Variants in SLC9A9 observed in about 807,000 individuals in gnomAD.
SLC9A9 encodes solute carrier family 9 member A9.
Under a neutral mutation model 77.8 loss-of-function variants are expected in SLC9A9, and 62 were observed. The observed-to-expected ratio is 0.80, with a 90% CI of 0.65 to 0.98. SLC9A9 has a LOEUF of 0.98. Among genes scored for constraint, SLC9A9 ranks in the 50% least tolerant of loss-of-function variants. SLC9A9 has a pLI of 0.00. For missense variants in SLC9A9, 775 were observed against 774.9 expected (o/e 1.00, Z 0.00); for synonymous variants, 320 against 283.5 (o/e 1.13, Z -1.29).
intron 14 of SLC9A9, among the ~76,000 whole-genome samples, chr3:143,359,588 A>T (rs2032686058): frequency 6.6e-6 from 1 of 152,196 alleles, no homozygotes; most frequent in African/African-American, 2.4e-5. Flanking sequence ...TAGCTGGAGC[A>T]GAGTGAGCCG....
chr3:143,841,501 T>A (rs936615942), intron 1 of SLC9A9, among the ~76,000 whole-genome samples: 1 of 152,206 alleles, frequency 6.6e-6, no homozygotes, highest in Non-Finnish European at 1.5e-5. Flanking sequence ...TTAACAAACA[T>A]CAGCTCTCCA....
intron 7 of SLC9A9, among the ~76,000 whole-genome samples, chr3:143,576,293 C>T (rs1336502359): frequency 4.6e-5 from 7 of 152,184 alleles, no homozygotes; most frequent in Non-Finnish European, 2.9e-5. Flanking sequence ...TAAAACTTAT[C>T]TGATGATCCA....
Position 143,832,223 on chromosome 3 carries a change from T to TAAAAAAA in SLC9A9, c.176-9_176-3dup. ...GTAAAATTAGTCCCATTATAAGGCC[T>TAAAAAAA]AAAAAAAAAAGAATAAATAATGGTA... On this transcript the variant is annotated splice_polypyrimidine_tract_variant and splice_region_variant and intron_variant, in intron 1 of 15. Coordinates refer to ENST00000316549, the MANE Select transcript of SLC9A9 (RefSeq NM_173653.4). The TAAAAAAA allele has an allele frequency of 7.0e-7, 1 of 1,421,854 alleles. No homozygotes were observed. The highest frequency in any genetic ancestry group is 9.6e-7 in the Non-Finnish European group (1 of 1,041,892). The allele number at this position is 1,421,854 out of a possible 1,614,324, so 88.1% of individuals were successfully genotyped here.
At chr3:143,821,006 G>A (rs1027979672) in intron 2 of SLC9A9, among the ~76,000 whole-genome samples, 5 of 151,996 alleles carry the variant, frequency 3.3e-5, no homozygotes, top group Non-Finnish European at 7.4e-5. Flanking sequence ...GGAGCAACTG[G>A]CCTGGGGAAG....
intron 4 of SLC9A9, among the ~76,000 whole-genome samples, chr3:143,708,342 G>A (rs1475927279): frequency 6.6e-6 from 1 of 152,092 alleles, no homozygotes; most frequent in African/African-American, 2.4e-5. Flanking sequence ...AATGAAGGCA[G>A]TGCGAGACTC....
intron 14 of SLC9A9, among the ~76,000 whole-genome samples, chr3:143,306,921 A>G (rs1414112479): frequency 6.6e-6 from 1 of 152,080 alleles, no homozygotes. Context: ...TGGCCTGTAC[A>G]CATGCTATTT....
At chr3:143,420,090 C>T (rs2034269664) in intron 12 of SLC9A9, among the ~76,000 whole-genome samples, 1 of 152,114 alleles carries the variant, frequency 6.6e-6, no homozygotes, top group Non-Finnish European at 1.5e-5. Context: ...GTGTTTCTGG[C>T]CATGATGGGT....
intron 5 of SLC9A9, among the ~76,000 whole-genome samples, chr3:143,671,157 C>T (rs1530650): frequency 0.71 from 108,319 of 152,038 alleles, 39,892 homozygotes; most frequent in Non-Finnish European, 0.8. Context: ...TTAATGGCTG[C>T]TATCACTAGA....
chr3:143,584,991 C>G (rs2037517829), intron 6 of SLC9A9, among the ~76,000 whole-genome samples: 2 of 152,216 alleles, frequency 1.3e-5, no homozygotes, highest in Admixed American at 1.3e-4. Flanking sequence ...CAGCTCTCCT[C>G]TTTATGGGCG....
intron 9 of SLC9A9, among the ~76,000 whole-genome samples, chr3:143,502,575 T>C (rs1444285295): frequency 6.6e-6 from 1 of 152,234 alleles, no homozygotes. Context: ...CATATTATTA[T>C]GGTTCATAGG....
chr3:143,796,019 A>G (rs577363356), intron 3 of SLC9A9, among the ~76,000 whole-genome samples: 59 of 152,320 alleles, frequency 3.9e-4, no homozygotes, highest in African/African-American at 1.1e-3. Context: ...CTCAAGAGGA[A>G]GAAAGCCCCA....
chr3:143,460,187 C>T (rs930539459), intron 12 of SLC9A9, among the ~76,000 whole-genome samples: 22 of 152,108 alleles, frequency 1.4e-4, no homozygotes, highest in African/African-American at 4.3e-4. Flanking sequence ...GGAAACAAAA[C>T]GAAAACTCAC....
At chr3:143,271,737 G>T (rs1229747303) in intron 14 of SLC9A9, among the ~76,000 whole-genome samples, 1 of 152,144 alleles carries the variant, frequency 6.6e-6, no homozygotes, top group East Asian at 1.9e-4. Context: ...ATTAGTTGAT[G>T]TAAGACTCTC....
At chr3:143,666,068 T>C (rs1448654129) in intron 5 of SLC9A9, among the ~76,000 whole-genome samples, 1 of 152,144 alleles carries the variant, frequency 6.6e-6, no homozygotes, top group Non-Finnish European at 1.5e-5. Context: ...TGATGAACAT[T>C]GATGCAAAAA....
At chr3:143,786,343 T>C (rs1277197945) in intron 4 of SLC9A9, among the ~76,000 whole-genome samples, 1 of 152,236 alleles carries the variant, frequency 6.6e-6, no homozygotes, top group Non-Finnish European at 1.5e-5. Flanking sequence ...TTTTTCAACA[T>C]TTCCTAATTT....
chr3:143,652,507 T>G lies in SLC9A9; in HGVS notation c.650-147A>C, dbSNP rs565743120. On this transcript the variant is annotated intron_variant, in intron 5 of 15. Coordinates refer to ENST00000316549, the MANE Select transcript of SLC9A9 (RefSeq NM_173653.4). ...TAACACCAGACCTTTATTCAAAAAA[T>G]ATCTGATGCTTAAGAGGCTTCTCTT... is the stretch of plus-strand genomic sequence containing the variant. The G allele has an allele frequency of 3.5e-4, 245 of 702,288 alleles. 1 individual carries two copies. The Middle Eastern group carries it at 7.9e-3, about 23-fold the overall frequency. 43.5% of individuals were successfully genotyped at this position (702,288 alleles called of 1,614,324 possible). A position where few individuals can be genotyped will look rare whatever the true frequency, so the allele number is the denominator to read the frequency against.
At chr3:143,621,616 T>C (rs2038214259) in intron 6 of SLC9A9, among the ~76,000 whole-genome samples, 1 of 152,214 alleles carries the variant, frequency 6.6e-6, no homozygotes, top group African/African-American at 2.4e-5. Context: ...CCCATCTGTA[T>C]GTCACCATCA....
chr3:143,498,380 C>T (rs1301933238), intron 9 of SLC9A9, among the ~76,000 whole-genome samples: 7 of 151,890 alleles, frequency 4.6e-5, no homozygotes, highest in African/African-American at 1.7e-4. Flanking sequence ...ATGGTGAAAC[C>T]CAGTCTCTAC....
chr3:143,774,135 T>A (rs994189961), intron 4 of SLC9A9, among the ~76,000 whole-genome samples: 7 of 152,200 alleles, frequency 4.6e-5, no homozygotes, highest in African/African-American at 7.2e-5. Context: ...CTAGTAAACA[T>A]CTATTTATGT....
Sources: allele counts gnomAD v4.1 joint callset (sites outside exome capture counted in the v4.1 genomes callset), GRCh38; gene constraint gnomAD v4.1.1; transcripts MANE v1.5; gene names NCBI Gene and HGNC (gene_info 2026-07-23, HGNC 2026-07-21).